SPAG16: variants seen among roughly 807,000 people sequenced by gnomAD.
SPAG16 encodes sperm associated antigen 16, also known as sperm-associated antigen 16 protein.
In SPAG16, 86 loss-of-function variants were observed where a neutral mutation model predicts 80.4. That is an observed-to-expected ratio of 1.07 (90% CI 0.90 to 1.28). SPAG16 has a LOEUF of 1.28. Ranked by LOEUF, SPAG16 falls within the 50% of genes most tolerant of loss-of-function variation. The probability of loss-of-function intolerance (pLI) is 0.00; values close to 1 mark genes in which losing one functional copy is unlikely to be tolerated. For missense variants in SPAG16, 870 were observed against 765.3 expected, an observed-to-expected ratio of 1.14 and a Z score of -1.61; for synonymous variants, 294 against 265.9, an observed-to-expected ratio of 1.11 and a Z score of -1.03.
At chr2:213,609,077 AT>A (rs2125009923) in intron 10 of SPAG16, among the ~76,000 whole-genome samples, 1 of 152,342 alleles carries the variant, frequency 6.6e-6, no homozygotes, top group East Asian at 1.9e-4. Flanking sequence ...TACATAAGTC[AT>A]TTTGCAGAAA....
intron 14 of SPAG16, among the ~76,000 whole-genome samples, chr2:214,135,723 G>C (rs377720129): frequency 2.1e-5 from 3 of 145,674 alleles, no homozygotes; most frequent in African/African-American, 5.0e-5. Flanking sequence ...CTGTCTCTCT[G>C]TCTCTCTCTC....
chr2:214,029,970 G>C (rs1368410976), intron 13 of SPAG16, among the ~76,000 whole-genome samples: 1 of 152,076 alleles, frequency 6.6e-6, no homozygotes, highest in Non-Finnish European at 1.5e-5. Context: ...CCGTGTGTGT[G>C]TATTTTAGTG....
At chr2:214,354,611 T>C (rs573798258) in intron 15 of SPAG16, among the ~76,000 whole-genome samples, 60 of 152,262 alleles carry the variant, frequency 3.9e-4, no homozygotes, top group African/African-American at 1.4e-3. Flanking sequence ...TTTCACGATA[T>C]TGATTCTTCC....
intron 10 of SPAG16, among the ~76,000 whole-genome samples, chr2:213,680,923 A>G (rs1024865822): frequency 1.1e-4 from 16 of 152,236 alleles, no homozygotes; most frequent in African/African-American, 3.6e-4. Flanking sequence ...TTTCTGGTTT[A>G]CAATTGGCTG....
chr2:213,533,096 T>C (rs182411558), intron 10 of SPAG16, among the ~76,000 whole-genome samples: 3 of 152,326 alleles, frequency 2.0e-5, no homozygotes, highest in Non-Finnish European at 4.4e-5. Context: ...GAATATATAC[T>C]TCTATGTGTA....
intron 10 of SPAG16, among the ~76,000 whole-genome samples, chr2:213,606,414 C>A (rs1297735575): frequency 6.6e-6 from 1 of 152,186 alleles, no homozygotes; most frequent in Non-Finnish European, 1.5e-5. Flanking sequence ...TTTTCGACAA[C>A]ATTATTAGTC....
intron 5 of SPAG16, among the ~76,000 whole-genome samples, chr2:213,339,024 TAAAAA>T (rs11329467): frequency 6.8e-6 from 1 of 146,176 alleles, no homozygotes; most frequent in Non-Finnish European, 1.5e-5. Context: ...CCCCAGAACT[TAAAAA>T]AAAAAAAAAG....
intron 13 of SPAG16, among the ~76,000 whole-genome samples, chr2:214,095,345 C>A (rs1348584661): frequency 6.6e-6 from 1 of 152,058 alleles, no homozygotes; most frequent in Non-Finnish European, 1.5e-5. Flanking sequence ...AACTACTAAC[C>A]CTTTCATATG....
chr2:214,308,088 A>G (rs533538296), intron 15 of SPAG16, among the ~76,000 whole-genome samples: 1 of 143,496 alleles, frequency 7.0e-6, no homozygotes, highest in Admixed American at 7.2e-5. Flanking sequence ...GGGTGCATAT[A>G]TATTTAGGAT....
chr2:214,399,216 C>T lies in SPAG16; in HGVS notation c.1721-10924C>T, dbSNP rs370670600. Among the ~76,000 whole-genome samples the T allele has an allele frequency of 3.9e-5, 6 of 152,240 alleles. No homozygotes were observed. The East Asian group carries it at 1.2e-3, about 29-fold the overall frequency. On this transcript the variant is annotated intron_variant, in intron 15 of 15. Transcript: ENST00000331683. The stretch of plus-strand genomic sequence containing the variant: ...ATTTAAACTAATTAATTTAGCCATT[C>T]CCAGTTCATACAAGACCTTCGCATT...
At chr2:213,532,466 T>A (rs932913236) in intron 10 of SPAG16, among the ~76,000 whole-genome samples, 4 of 151,260 alleles carry the variant, frequency 2.6e-5, no homozygotes, top group Non-Finnish European at 5.9e-5. Context: ...AATTGAATTT[T>A]TTTTTTTTTT....
At chr2:214,209,455 C>G (rs2058230878) in intron 15 of SPAG16, among the ~76,000 whole-genome samples, 1 of 152,038 alleles carries the variant, frequency 6.6e-6, no homozygotes, top group Non-Finnish European at 1.5e-5. Flanking sequence ...GTTCAAATAC[C>G]CTGGGAAAAC....
intron 9 of SPAG16, among the ~76,000 whole-genome samples, chr2:213,481,854 T>C (rs2073766901): frequency 6.6e-6 from 1 of 152,254 alleles, no homozygotes; most frequent in African/African-American, 2.4e-5. Context: ...GGGCACAGAC[T>C]TCATTCTTTG....
At chr2:213,867,905 C>A (rs2075759154) in intron 11 of SPAG16, among the ~76,000 whole-genome samples, 2 of 100,250 alleles carry the variant, frequency 2.0e-5, no homozygotes, top group East Asian at 3.1e-4. Flanking sequence ...GCTTGGGTGA[C>A]AGAGCAAGAC....
At chr2:213,591,662 C>T (rs1455772511) in intron 10 of SPAG16, among the ~76,000 whole-genome samples, 1 of 151,934 alleles carries the variant, frequency 6.6e-6, no homozygotes, top group Admixed American at 6.6e-5. Context: ...AGATTGGGCT[C>T]GACTCCAAAT....
intron 12 of SPAG16, among the ~76,000 whole-genome samples, chr2:213,978,520 A>G (rs2045534871): frequency 6.6e-6 from 1 of 152,090 alleles, no homozygotes; most frequent in Non-Finnish European, 1.5e-5. Flanking sequence ...GATTCCACAT[A>G]TTAGGTATTT....
At chr2:213,320,215 G>A (rs906041684) in intron 5 of SPAG16, among the ~76,000 whole-genome samples, 2 of 151,928 alleles carry the variant, frequency 1.3e-5, no homozygotes, top group African/African-American at 4.8e-5. Context: ...GTTTTTTATT[G>A]ATACATCATA....
In SPAG16 at chr2:214,085,651, T is replaced by A. The variant is rs541034785; in HGVS notation, c.1528-22545T>A. On this transcript the variant is annotated intron_variant, in intron 13 of 15. Coordinates refer to ENST00000331683, the MANE Select transcript of SPAG16 (RefSeq NM_024532.5). ...TTATATTCCACTCCTCCCATTCTGG[T>A]TTAGTAGCTCATTACCTTTCCTTTG... 2.6e-5 allele frequency among the ~76,000 whole-genome samples: 4 copies of A among 152,320 alleles called. No homozygotes were observed. The East Asian group carries it at 5.8e-4, about 22-fold the overall frequency.
intron 10 of SPAG16, among the ~76,000 whole-genome samples, chr2:213,582,117 A>G (rs1217061102): frequency 6.6e-6 from 1 of 152,068 alleles, no homozygotes; most frequent in Non-Finnish European, 1.5e-5. Context: ...CAATATAAAC[A>G]CTTACCTTTT....
Sources: allele counts gnomAD v4.1 joint callset (sites outside exome capture counted in the v4.1 genomes callset), GRCh38; gene constraint gnomAD v4.1.1; transcripts MANE v1.5; gene names NCBI Gene and HGNC (gene_info 2026-07-23, HGNC 2026-07-21).